NTRK3: variants seen among roughly 807,000 people sequenced by gnomAD.
The protein encoded by NTRK3 is neurotrophic receptor tyrosine kinase 3, also known as NT-3 growth factor receptor.
In NTRK3, 24 loss-of-function variants were observed where a neutral mutation model predicts 91.7. That is an observed-to-expected ratio of 0.26 (90% CI 0.19 to 0.37). NTRK3 has a LOEUF of 0.37. NTRK3 is among the 10% of genes least tolerant of loss of function. NTRK3 has a pLI of 1.00. For synonymous variants in NTRK3, 483 were observed against 404.0 expected (o/e 1.20, Z -2.34); for missense variants, 880 against 1,068.9 (o/e 0.82, Z 2.46).
At chr15:87,865,388 C>A (rs1405463035) in exon 19 of NTRK3, 1 of 213,062 alleles carries the variant, frequency 4.7e-6, no homozygotes, top group Non-Finnish European at 9.5e-6. Context: ...GGCATTCTGG[C>A]CTCAGGATTC....
chr15:88,186,013 C>A (rs1034380290), intron 3 of NTRK3, among the ~76,000 whole-genome samples: 7 of 152,190 alleles, frequency 4.6e-5, no homozygotes, highest in Admixed American at 1.3e-4. Flanking sequence ...AGCCCCAGGG[C>A]AGTTTGGGTG....
chr15:88,143,363 G>C (rs1182519418), intron 6 of NTRK3, among the ~76,000 whole-genome samples: 2 of 152,256 alleles, frequency 1.3e-5, no homozygotes, highest in East Asian at 1.9e-4. Flanking sequence ...AGAAGCTGGA[G>C]GAGGCAAGGA....
chr15:88,188,312 T>C (rs1223911554), intron 3 of NTRK3, among the ~76,000 whole-genome samples: 2 of 152,212 alleles, frequency 1.3e-5, no homozygotes, highest in African/African-American at 4.8e-5. Context: ...AATACATTGG[T>C]TCTCAAAGGG....
Position 88,202,092 on chromosome 15 carries a change from C to A in NTRK3, c.249-17793G>T, listed in dbSNP as rs2048353020. Among the ~76,000 whole-genome samples the A allele has an allele frequency of 7.2e-5, 11 of 152,242 alleles. 2 individuals are homozygous for A. The South Asian group carries it at 2.1e-3, about 29-fold the overall frequency. ...GTCAGGGTTCCACAGATTAGGACCCCCAAACAGCTGTTAATAGCCATTCTC... is the reference window on the plus strand; with the variant it reads ...GTCAGGGTTCCACAGATTAGGACCCACAAACAGCTGTTAATAGCCATTCTC... On this transcript the variant is annotated intron_variant, in intron 3 of 18. Transcript: ENST00000394480.
In NTRK3 at chr15:88,139,875, A is replaced by C. The variant is rs116747238; in HGVS notation, c.465-2314T>G. 7.3e-3 allele frequency among the ~76,000 whole-genome samples: 925 copies of C among 127,022 alleles called. 12 individuals are homozygous for C. Among genetic ancestry groups the C allele is most frequent in the African/African-American group, 0.026 (873 of 33,982 alleles). 83.3% of individuals were successfully genotyped at this position (127,022 alleles called of 152,430 possible). ...GAGAAGCAGAGAGGAGCAAGCTAGG[A>C]GCCCTGACTTCAGGAGCTCATATAG... On this transcript the variant is annotated intron_variant, in intron 6 of 18. Transcript: ENST00000394480.
chr15:88,156,979 C>T (rs972743238), intron 5 of NTRK3, among the ~76,000 whole-genome samples: 7 of 152,140 alleles, frequency 4.6e-5, no homozygotes, highest in African/African-American at 1.4e-4. Flanking sequence ...AACCACAGTG[C>T]ACAAAGAGAC....
intron 3 of NTRK3, among the ~76,000 whole-genome samples, chr15:88,247,072 T>G (rs1017382728): frequency 1.3e-5 from 2 of 152,168 alleles, no homozygotes. Context: ...TCAGACACGA[T>G]GTGCACAGAA....
intron 13 of NTRK3, among the ~76,000 whole-genome samples, chr15:88,056,727 T>C (rs548334802): frequency 9.5e-4 from 145 of 152,346 alleles, no homozygotes; most frequent in African/African-American, 3.4e-3. Context: ...GGAAAACCCT[T>C]TGGCACTTTC....
At chr15:87,898,823 T>C (rs1354418649) in intron 17 of NTRK3, among the ~76,000 whole-genome samples, 1 of 103,986 alleles carries the variant, frequency 9.6e-6, no homozygotes, top group Non-Finnish European at 1.9e-5. Context: ...CTGTCTCTAC[T>C]AAAAAAAAAA....
At chr15:88,251,692 A>G (rs537468090) in intron 3 of NTRK3, among the ~76,000 whole-genome samples, 45 of 152,214 alleles carry the variant, frequency 3.0e-4, no homozygotes, top group Non-Finnish European at 2.6e-4. Context: ...CCTTCTACAG[A>G]GTTGGACAGA....
intron 6 of NTRK3, among the ~76,000 whole-genome samples, chr15:88,139,284 G>T (rs1441215407): frequency 6.6e-6 from 1 of 152,122 alleles, no homozygotes; most frequent in Non-Finnish European, 1.5e-5. Flanking sequence ...CAGAGTAAAG[G>T]GCACCGGATA....
intron 3 of NTRK3, among the ~76,000 whole-genome samples, chr15:88,225,413 C>T (rs1011834027): frequency 1.3e-5 from 2 of 152,158 alleles, no homozygotes; most frequent in Non-Finnish European, 2.9e-5. Context: ...ACCCATCCCA[C>T]CTCCTTTCTG....
chr15:88,032,870 G>C (rs759925027), exon 14 of NTRK3: 1 of 1,613,814 alleles, frequency 6.2e-7, no homozygotes, highest in East Asian at 2.2e-5. Flanking sequence ...TGTCCGGCTT[G>C]TGGCAGTTGT....
chr15:87,988,942 G>T (rs1010197806), intron 14 of NTRK3, among the ~76,000 whole-genome samples: 5 of 151,250 alleles, frequency 3.3e-5, no homozygotes, highest in Non-Finnish European at 5.9e-5. Flanking sequence ...TTTTTAGAGA[G>T]GGTCTGGCTC....
At chr15:87,973,410 C>T (rs1167526536) in intron 14 of NTRK3, among the ~76,000 whole-genome samples, 2 of 152,196 alleles carry the variant, frequency 1.3e-5, no homozygotes, top group Admixed American at 1.3e-4. Flanking sequence ...GGACTTATCT[C>T]TTGCCAGCAT....
intron 13 of NTRK3, among the ~76,000 whole-genome samples, chr15:88,060,125 C>A (rs776724995): frequency 6.6e-6 from 1 of 152,052 alleles, no homozygotes; most frequent in Non-Finnish European, 1.5e-5. Context: ...TGAGGTGGCT[C>A]ACGCCTGTAA....
chr15:88,165,594 G>A (rs919921947), intron 5 of NTRK3, among the ~76,000 whole-genome samples: 28 of 152,074 alleles, frequency 1.8e-4, no homozygotes, highest in African/African-American at 4.8e-4. Flanking sequence ...AATAAGTAAC[G>A]TTTACTCTGT....
intron 14 of NTRK3, among the ~76,000 whole-genome samples, chr15:87,959,337 TTAAA>T (rs1419044397): frequency 6.6e-6 from 1 of 152,222 alleles, no homozygotes; most frequent in Non-Finnish European, 1.5e-5. Flanking sequence ...TAAGTATTCG[TTAAA>T]TAGATGAGCG....
chr15:88,091,800 T>C (rs1348745794), intron 13 of NTRK3, among the ~76,000 whole-genome samples: 2 of 152,204 alleles, frequency 1.3e-5, no homozygotes, highest in Non-Finnish European at 2.9e-5. Flanking sequence ...AGACACTTTT[T>C]ATCTCCATGA....
Sources: gnomAD v4.1 joint callset for allele counts (sites outside exome capture counted in the v4.1 genomes callset) on GRCh38, gnomAD v4.1.1 for gene constraint, MANE v1.5 for transcripts, NCBI Gene and HGNC (gene_info 2026-07-23, HGNC 2026-07-21) for gene names.